The following SYNE1 variants were observed in gnomAD, a reference collection of about 807,000 sequenced individuals.
The protein encoded by SYNE1 is spectrin repeat containing nuclear envelope protein 1, also known as nesprin-1.
Under a neutral mutation model 1,111.0 loss-of-function variants are expected in SYNE1, and 616 were observed. The ratio of observed to expected loss-of-function variants is 0.55; its 90% CI spans 0.52 to 0.59. SYNE1 has a LOEUF of 0.59. Ranked by LOEUF, SYNE1 falls within the 20% of genes least tolerant of loss-of-function variation. SYNE1 has a pLI of 0.00. For synonymous variants in SYNE1, 3,855 were observed against 3,825.8 expected (o/e 1.01, Z -0.28); for missense variants, 10,006 against 10,417.0 (o/e 0.96, Z 1.72).
intron 51 of SYNE1, among the ~76,000 whole-genome samples, chr6:152,393,205 G>A (rs2097674381): frequency 6.6e-6 from 1 of 152,160 alleles, no homozygotes; most frequent in African/African-American, 2.4e-5. Flanking sequence ...AAAAGACCTT[G>A]AATTTGGTGT....
intron 3 of SYNE1, among the ~76,000 whole-genome samples, chr6:152,557,535 G>T (rs1380186517): frequency 6.6e-6 from 1 of 152,012 alleles, no homozygotes; most frequent in Non-Finnish European, 1.5e-5. Flanking sequence ...ATTTTCAAAA[G>T]TCAAAGACAA....
At chr6:152,220,728 T>G (rs1317237159) in intron 119 of SYNE1, 114 bp downstream of exon 119, 7 of 962,126 alleles carry the variant, frequency 7.3e-6, no homozygotes, top group Non-Finnish European at 1.2e-5. Flanking sequence ...AGACAGTTAT[T>G]TTTGGGTAAC....
At chr6:152,377,877 A>T (rs1221221365) in intron 56 of SYNE1, among the ~76,000 whole-genome samples, 2 of 151,846 alleles carry the variant, frequency 1.3e-5, no homozygotes, top group Non-Finnish European at 2.9e-5. Context: ...TCCCCCCACG[A>T]ATAAAGGTAA....
chr6:152,501,048 C>A (rs1007794410), intron 10 of SYNE1, among the ~76,000 whole-genome samples: 1 of 151,980 alleles, frequency 6.6e-6, no homozygotes, highest in Non-Finnish European at 1.5e-5. Flanking sequence ...CAGTTGAGAC[C>A]TGAACAGTGA....
At chr6:152,197,907 C>T (rs1038991814) in intron 127 of SYNE1, among the ~76,000 whole-genome samples, 2 of 151,852 alleles carry the variant, frequency 1.3e-5, no homozygotes, top group African/African-American at 2.4e-5. Flanking sequence ...GCATTGACTT[C>T]TTTTAAGCTA....
intron 32 of SYNE1, among the ~76,000 whole-genome samples, chr6:152,439,854 G>T (rs2154220570): frequency 6.6e-6 from 1 of 152,288 alleles, no homozygotes; most frequent in Middle Eastern, 3.4e-3. Flanking sequence ...GTACAAATTG[G>T]TTGGTCTGCT....
At chr6:152,358,284 CA>C in intron 66 of SYNE1, 88 bp downstream of exon 66, 2 of 1,577,430 alleles carry the variant, frequency 1.3e-6, no homozygotes, top group Admixed American at 1.7e-5. Context: ...CCACTGGACT[CA>C]AGGTTTCTAT....
chr6:152,578,620 A>G (rs1348192428), intron 3 of SYNE1, among the ~76,000 whole-genome samples: 1 of 152,162 alleles, frequency 6.6e-6, no homozygotes, highest in Non-Finnish European at 1.5e-5. Context: ...AAACAAAAAT[A>G]AAAACAAAAC....
intron 112 of SYNE1, among the ~76,000 whole-genome samples, chr6:152,233,362 C>T (rs1252396400): frequency 1.3e-5 from 2 of 151,686 alleles, no homozygotes; most frequent in Non-Finnish European, 2.9e-5. Context: ...GACAGTCTCA[C>T]TGTCACCCAG....
Position 152,321,716 on chromosome 6 carries a change from T to G in SYNE1, c.16083+5A>C. 6.2e-7 allele frequency: 1 copy of G among 1,614,042 alleles called. No individual in the cohort carries two copies. Among genetic ancestry groups the G allele is most frequent in the South Asian group, 1.1e-5 (1 of 91,078 alleles). ...GGTAAAGAGAATGAGGAGACTTTTT[T>G]GTACCTGAAGTTCTTCAAGTTGAGC... On this transcript the variant is annotated splice_donor_5th_base_variant and intron_variant, in intron 83 of 145. Transcript: ENST00000367255.
chr6:152,590,130 T>C (rs2099554693), intron 3 of SYNE1, among the ~76,000 whole-genome samples: 1 of 150,298 alleles, frequency 6.7e-6, no homozygotes, highest in African/African-American at 2.5e-5. Flanking sequence ...TATTATTTTG[T>C]AGAGATGGGA....
chr6:152,256,895 C>A (rs994370859), intron 101 of SYNE1, 130 bp from the exon 102 acceptor site: 49 of 1,370,436 alleles, frequency 3.6e-5, no homozygotes, highest in Non-Finnish European at 4.7e-5. Flanking sequence ...AGAAATATAA[C>A]TTCTACAACA....
intron 143 of SYNE1, among the ~76,000 whole-genome samples, 200 bp downstream of exon 143, chr6:152,133,076 G>A (rs1209768685): frequency 6.6e-6 from 1 of 152,160 alleles, no homozygotes; most frequent in Non-Finnish European, 1.5e-5. Context: ...GGATTTAACA[G>A]AATCAAAAGC....
intron 38 of SYNE1, among the ~76,000 whole-genome samples, chr6:152,426,820 C>T (rs958526564): frequency 3.3e-5 from 5 of 152,142 alleles, no homozygotes; most frequent in Admixed American, 6.5e-5. Context: ...GAATGGAGTA[C>T]CCCCCAAGTC....
At chr6:152,400,011 TCTC>T (rs1402955171) in intron 47 of SYNE1, among the ~76,000 whole-genome samples, 188 bp from the exon 48 acceptor site, 1 of 152,118 alleles carries the variant, frequency 6.6e-6, no homozygotes, top group Non-Finnish European at 1.5e-5. Flanking sequence ...TTTGCCCAGT[TCTC>T]CTTGGGAACA....
intron 95 of SYNE1, 76 bp from the exon 96 acceptor site, chr6:152,284,248 A>C: frequency 9.6e-6 from 14 of 1,463,394 alleles, no homozygotes; most frequent in Non-Finnish European, 1.2e-5. Context: ...GCTGAGTCTC[A>C]CATCCATTGG....
At chr6:152,570,976 G>A (rs2099451721) in intron 3 of SYNE1, among the ~76,000 whole-genome samples, 3 of 152,180 alleles carry the variant, frequency 2.0e-5, no homozygotes, top group Non-Finnish European at 4.4e-5. Context: ...CACAAAGGGG[G>A]ATTCATCCCA....
At chr6:152,433,974 ACT>A (rs770214949) in intron 33 of SYNE1, 29 bp from the exon 34 acceptor site, 4 of 1,575,546 alleles carry the variant, frequency 2.5e-6, no homozygotes, top group East Asian at 2.3e-5. Context: ...AGTAAATAAA[ACT>A]CAGTATTTTA....
At chr6:152,441,341 G>A in intron 31 of SYNE1, 71 bp from the exon 32 acceptor site, 2 of 1,503,034 alleles carry the variant, frequency 1.3e-6, no homozygotes, top group African/African-American at 2.8e-5. Context: ...TCATTCGTTT[G>A]CAAAACTGTC....
Sources: gnomAD v4.1 joint callset for allele counts (sites outside exome capture counted in the v4.1 genomes callset) on GRCh38, gnomAD v4.1.1 for gene constraint, MANE v1.5 for transcripts, NCBI Gene and HGNC (gene_info 2026-07-23, HGNC 2026-07-21) for gene names.